The following NEB variants were observed in gnomAD, a reference collection of about 807,000 sequenced individuals.
NEB encodes the protein nebulin, also known as nemaline myopathy type 2.
NEB carries 512 observed loss-of-function variants against 952.2 expected under a neutral mutation model. That is an observed-to-expected ratio of 0.54 (90% CI 0.50 to 0.58). The LOEUF (loss-of-function observed/expected upper bound fraction) is 0.58, where lower values mean the gene tolerates loss of function less well. Ranked by LOEUF, NEB falls within the 20% of genes least tolerant of loss-of-function variation. NEB has a pLI of 0.00. For missense variants in NEB, 8,428 were observed against 9,231.1 expected (o/e 0.91, Z 3.56); for synonymous variants, 2,900 against 3,149.8 (o/e 0.92, Z 2.66).
In NEB at chr2:151,533,601, A is replaced by G. The variant is rs2092338752; in HGVS notation, c.21313-55T>C. 4 of 1,122,844 alleles carry G rather than the reference A, an allele frequency of 3.6e-6. No homozygotes were observed. The East Asian group carries it at 1.1e-4, about 30-fold the overall frequency. 69.6% of individuals were successfully genotyped at this position (1,122,844 alleles called of 1,614,324 possible). On this transcript the variant is annotated intron_variant, in intron 142 of 181. Coordinates refer to ENST00000397345, the MANE Select transcript of NEB (RefSeq NM_001164508.2). ...AAGAGACTTATGAAGACAGAAAAGA[A>G]CACGGCTCTATATCCCAATCACCTC... is the stretch of plus-strand genomic sequence containing the variant.
intron 68 of NEB, among the ~76,000 whole-genome samples, chr2:151,629,295 C>T (rs1264913506): frequency 6.6e-6 from 1 of 152,096 alleles, no homozygotes; most frequent in Non-Finnish European, 1.5e-5. Context: ...AGAATCACAT[C>T]CAATTTTATA....
chr2:151,673,479 A>G (rs575861609), intron 36 of NEB, among the ~76,000 whole-genome samples: 2 of 151,900 alleles, frequency 1.3e-5, no homozygotes, highest in East Asian at 1.9e-4. Flanking sequence ...TATACTGTAG[A>G]CTTTCACTTT....
In NEB at chr2:151,490,485, C is replaced by A. The variant is rs779983347; in HGVS notation, c.25184G>T (p.Arg8395Leu). ...ACTGATGCTTAGTGCACTGGCAGAT[C>A]GTGACTGCTCCCGGCTCCGGCGCTG... ...QAQRRSREQS[R>L]SASALSISGG... Residue 8395 changes from arginine to leucine, a missense_variant, in exon 180 of 182, where the codon CGA becomes CTA. This residue lies in a region of NEB where 3,374 missense variants were observed against 3,651.5 expected (regional missense o/e 0.92). Transcript: ENST00000397345. 2.5e-6 allele frequency: 4 copies of A among 1,609,038 alleles called. No homozygotes were observed. The highest frequency in any genetic ancestry group is 1.7e-5 in the Admixed American group (1 of 59,512).
chr2:151,711,158 ACC>A (rs2099743985), intron 10 of NEB, among the ~76,000 whole-genome samples: 2 of 152,184 alleles, frequency 1.3e-5, no homozygotes, highest in South Asian at 4.1e-4. Context: ...TAGCCTCAGA[ACC>A]CAACACAAAA....
chr2:151,509,710 C>T (rs1455481598), intron 161 of NEB, among the ~76,000 whole-genome samples: 1 of 152,142 alleles, frequency 6.6e-6, no homozygotes, highest in East Asian at 1.9e-4. Flanking sequence ...TCACTGCAAC[C>T]TCTGACTCCC....
At chr2:151,685,692 T>C (rs917197899) in intron 27 of NEB, among the ~76,000 whole-genome samples, 1 of 152,158 alleles carries the variant, frequency 6.6e-6, no homozygotes, top group Non-Finnish European at 1.5e-5. Flanking sequence ...CATTGTCTGG[T>C]TTTCTGGAAT....
At position 151,677,635 on chromosome 2, in the gene NEB, A is replaced by T. The variant is rs1272704719; in HGVS notation, c.3704T>A (p.Leu1235His). Reference protein sequence around the residue: ...EKKYRQHPDTLKFTSIVDSPV... With the variant: ...EKKYRQHPDTHKFTSIVDSPV... ...GGAGTCCACAATGCTGGTAAATTTG[A>T]GGGTGTCTGGATGTTGCCTGTACTT... Residue 1235 changes from leucine (L) to histidine (H), a missense_variant, in exon 34 of 182, where the codon CTC (leucine) becomes CAC (histidine). Around this residue, in one of 11 missense-constraint regions of NEB, gnomAD observed 2,851 missense variants for 2,791.5 expected, o/e 1.02. Transcript: ENST00000397345. The T allele has an allele frequency of 6.2e-7, 1 of 1,613,868 alleles. No homozygotes were observed. The highest frequency in any genetic ancestry group is 8.5e-7 in the Non-Finnish European group (1 of 1,179,874).
Position 151,636,297 on chromosome 2 carries a change from T to G in NEB, c.9032A>C (p.Lys3011Thr). The part of the protein sequence containing the change: ...YKLANEEAKK[K>T]GYDLRSDAIP... ...GGCGTCGCTTCGCAAGTCATAGCCT[T>G]TCTTCTTTGCTTCTTCATTAGCAAG... is the stretch of plus-strand genomic sequence containing the variant. Residue 3011 changes from lysine (K) to threonine (T), a missense_variant, in exon 64 of 182, where the codon AAA (lysine) becomes ACA (threonine). This residue lies in a region of NEB where 1,772 missense variants were observed against 1,960.3 expected (regional missense o/e 0.90). Transcript: ENST00000397345. 6.2e-7 allele frequency: 1 copy of G among 1,609,076 alleles called. No individual in the cohort carries two copies. Among genetic ancestry groups the G allele is most frequent in the Non-Finnish European group, 8.5e-7 (1 of 1,179,710 alleles).
intron 181 of NEB, among the ~76,000 whole-genome samples, chr2:151,488,368 C>T (rs919492732): frequency 4.0e-5 from 6 of 151,298 alleles, no homozygotes; most frequent in South Asian, 2.1e-4. Context: ...TAATTGTGGC[C>T]GGGCTGAGTG....
chr2:151,672,071 A>G (rs2099308048), intron 37 of NEB, among the ~76,000 whole-genome samples: 1 of 152,156 alleles, frequency 6.6e-6, no homozygotes, highest in Non-Finnish European at 1.5e-5. Flanking sequence ...ATTGCAGCCA[A>G]CCCATCAGGA....
intron 136 of NEB, 77 bp from the exon 137 acceptor site, chr2:151,540,878 C>G (rs1222945634): frequency 8.0e-7 from 1 of 1,256,610 alleles, no homozygotes; most frequent in Non-Finnish European, 1.2e-6. Context: ...TCATTCATTT[C>G]TAACCATTCA....
chr2:151,548,774 G>A (rs547758981), intron 130 of NEB, among the ~76,000 whole-genome samples: 24 of 152,266 alleles, frequency 1.6e-4, no homozygotes, highest in Admixed American at 5.2e-4. Flanking sequence ...AAATAGCTTC[G>A]TGGACTGATT....
chr2:151,697,651 G>A lies in NEB; in HGVS notation c.1153-3C>T, dbSNP rs1262683885. On this transcript the variant is annotated splice_region_variant and splice_polypyrimidine_tract_variant and intron_variant, in intron 13 of 181. Transcript: ENST00000397345. ...TCATAGTTTTCCTTGTATAGTTTCTGTCAAAGAAAAAAAATTCAGTTAAAG... is the reference window on the plus strand; with the variant it reads ...TCATAGTTTTCCTTGTATAGTTTCTATCAAAGAAAAAAAATTCAGTTAAAG... The A allele has an allele frequency of 1.3e-6, 2 of 1,589,822 alleles. No homozygotes were observed. Among genetic ancestry groups the A allele is most frequent in the East Asian group, 2.2e-5 (1 of 44,744 alleles).
chr2:151,506,240 C>T lies in NEB; in HGVS notation c.23575G>A (p.Val7859Ile). 6.2e-7 allele frequency: 1 copy of T among 1,613,206 alleles called. No individual in the cohort carries two copies. The highest frequency in any genetic ancestry group is 8.5e-7 in the Non-Finnish European group (1 of 1,179,170). The stretch of plus-strand genomic sequence containing the variant: ...TTTCCGATAGCCGTTCCTGGTGAGA[C>T]ATCCTCTTTATATAAAACCTGGGCA... Reference protein sequence around the residue: ...NFSSVLYKEDVSPGTAIGKTP... With the variant: ...NFSSVLYKEDISPGTAIGKTP... The change falls in exon 164 of 182, where the codon GTC (valine) becomes ATC (isoleucine). Residue 7859 changes from valine to isoleucine, a missense_variant. Transcript: ENST00000397345.
At chr2:151,702,965 T>C (rs1463097853) in intron 13 of NEB, among the ~76,000 whole-genome samples, 1 of 152,218 alleles carries the variant, frequency 6.6e-6, no homozygotes, top group African/African-American at 2.4e-5. Context: ...CGATGGTCTT[T>C]ACATTTGGGC....
At chr2:151,509,473 T>C (rs2072233923) in intron 161 of NEB, among the ~76,000 whole-genome samples, 1 of 152,152 alleles carries the variant, frequency 6.6e-6, no homozygotes, top group Admixed American at 6.5e-5. Flanking sequence ...AGAGGGATAA[T>C]CACATTTGCA....
intron 10 of NEB, among the ~76,000 whole-genome samples, chr2:151,714,498 C>T (rs1337380127): frequency 4.6e-5 from 7 of 152,276 alleles, no homozygotes; most frequent in African/African-American, 1.4e-4. Context: ...TAAGCTTCTG[C>T]ACCCCCTGGG....
intron 70 of NEB, among the ~76,000 whole-genome samples, chr2:151,626,444 C>T (rs1440331053): frequency 6.6e-6 from 1 of 151,758 alleles, no homozygotes; most frequent in Non-Finnish European, 1.5e-5. Flanking sequence ...TCTGTGCTTA[C>T]CTAAATAAGT....
rs1325261211 is a variant in NEB at position 151,662,107 on chromosome 2, T to C, written c.5970+28A>G. On this transcript the variant is annotated intron_variant, in intron 46 of 181. Coordinates refer to ENST00000397345, the MANE Select transcript of NEB (RefSeq NM_001164508.2). ...ATACCTGGATTCTCTCTGATGCATA[T>C]GAAACACTGCATTATTGAAAGACTT... 5.1e-6 allele frequency: 8 copies of C among 1,577,162 alleles called. No homozygotes were observed. In the South Asian group the frequency reaches 6.8e-5, roughly 13 times the overall value.
Sources: allele counts gnomAD v4.1 joint callset (sites outside exome capture counted in the v4.1 genomes callset), GRCh38; gene constraint gnomAD v4.1.1; regional missense constraint gnomAD v4.1.1; transcripts MANE v1.5; gene names NCBI Gene and HGNC (gene_info 2026-07-23, HGNC 2026-07-21).